Variants in RXRA observed in about 807,000 individuals in gnomAD.
RXRA encodes the protein retinoic acid receptor RXR-alpha.
RXRA carries 5 observed loss-of-function variants against 44.5 expected under a neutral mutation model. That is an observed-to-expected ratio of 0.11 (90% CI 0.06 to 0.24). The LOEUF (loss-of-function observed/expected upper bound fraction) is 0.24. RXRA is among the 10% of genes least tolerant of loss of function. The probability of loss-of-function intolerance (pLI) is 1.00; values close to 1 mark genes in which losing one functional copy is unlikely to be tolerated. For missense variants in RXRA, 412 were observed against 646.5 expected (o/e 0.64, Z 3.93); for synonymous variants, 291 against 271.4 (o/e 1.07, Z -0.71).
intron 1 of RXRA, among the ~76,000 whole-genome samples, chr9:134,347,812 A>G (rs1830172400): frequency 6.6e-6 from 1 of 152,148 alleles, no homozygotes; most frequent in Non-Finnish European, 1.5e-5. Flanking sequence ...TCTGGTGGCC[A>G]GGAGGGGGCT....
chr9:134,411,970 C>T (rs923838267), intron 4 of RXRA, among the ~76,000 whole-genome samples: 5 of 152,200 alleles, frequency 3.3e-5, no homozygotes, highest in African/African-American at 7.2e-5. Flanking sequence ...CACGTGGAAA[C>T]GGTGGCTGGG....
At chr9:134,348,594 G>A (rs944384812) in intron 1 of RXRA, among the ~76,000 whole-genome samples, 9 of 152,240 alleles carry the variant, frequency 5.9e-5, no homozygotes, top group African/African-American at 2.2e-4. Context: ...TCTTGGCTGA[G>A]TTCATCCAGG....
intron 1 of RXRA, among the ~76,000 whole-genome samples, chr9:134,340,910 C>A (rs1564261033): frequency 6.6e-6 from 1 of 152,174 alleles, no homozygotes; most frequent in Non-Finnish European, 1.5e-5. Flanking sequence ...CTGGAAAGGC[C>A]TCGCAGGAAA....
At chr9:134,430,900 G>A (rs1009929749) in intron 7 of RXRA, among the ~76,000 whole-genome samples, 1 of 152,172 alleles carries the variant, frequency 6.6e-6, no homozygotes, top group Admixed American at 6.5e-5. Flanking sequence ...GCCCTCAGTG[G>A]CCCAGGTCTT....
At chr9:134,331,047 C>T (rs1554746568) in intron 1 of RXRA, among the ~76,000 whole-genome samples, 1 of 152,136 alleles carries the variant, frequency 6.6e-6, no homozygotes, top group Non-Finnish European at 1.5e-5. Context: ...GAGGAACAGA[C>T]TCAGGAATAG....
At chr9:134,361,260 T>C (rs2119063113) in intron 1 of RXRA, among the ~76,000 whole-genome samples, 1 of 152,326 alleles carries the variant, frequency 6.6e-6, no homozygotes, top group South Asian at 2.1e-4. Flanking sequence ...TTCAATGTCC[T>C]CATTTCACTG....
At chr9:134,392,156 C>T (rs999718579) in intron 1 of RXRA, among the ~76,000 whole-genome samples, 2 of 152,220 alleles carry the variant, frequency 1.3e-5, no homozygotes, top group East Asian at 3.8e-4. Flanking sequence ...CACATGCAGG[C>T]GATTGGGGCT....
rs372828313 is a variant in RXRA at position 134,430,230 on chromosome 9, C to G, written c.1043+990C>G. 3.9e-4 allele frequency among the ~76,000 whole-genome samples: 60 copies of G among 152,354 alleles called. No homozygotes were observed. In the East Asian group the frequency reaches 9.8e-3, roughly 25 times the overall value. The stretch of plus-strand genomic sequence containing the variant: ...CACGAGTCTAGAGAGCCACACACAC[C>G]AGACTGGGCCTTCTGGGGACCGGAT... On this transcript the variant is annotated intron_variant, in intron 7 of 9. Coordinates refer to ENST00000481739, the MANE Select transcript of RXRA (RefSeq NM_002957.6).
At chr9:134,334,487 G>A (rs1407096175) in intron 1 of RXRA, among the ~76,000 whole-genome samples, 3 of 152,260 alleles carry the variant, frequency 2.0e-5, no homozygotes, top group African/African-American at 7.2e-5. Flanking sequence ...CTGGGCATTG[G>A]GCAGCAGTGT....
At chr9:134,402,136 C>G (rs191498230) in intron 2 of RXRA, 97 of 539,736 alleles carry the variant, frequency 1.8e-4, no homozygotes, top group African/African-American at 1.6e-3. Flanking sequence ...CCACGTGGCC[C>G]CTTCCCATGC....
intron 1 of RXRA, among the ~76,000 whole-genome samples, chr9:134,399,880 C>T (rs1202948496): frequency 6.6e-6 from 1 of 152,200 alleles, no homozygotes; most frequent in Non-Finnish European, 1.5e-5. Flanking sequence ...GGCTTCCAGG[C>T]CTCCTTTCTG....
At position 134,433,327 on chromosome 9, in the gene RXRA, C is replaced by T. The variant is rs964174114; in HGVS notation, c.1136-775C>T. ...CCAGCAGGACCTGGGCACCGGCTTG[C>T]AGGGAGGGTGAGATTGTCTGGCACA... On this transcript the variant is annotated intron_variant, in intron 8 of 9. Coordinates refer to ENST00000481739, the MANE Select transcript of RXRA (RefSeq NM_002957.6). The surrounding 1 kb of genome is among the most constrained non-coding windows in gnomAD (Gnocchi z 4.2). 1.3e-5 allele frequency among the ~76,000 whole-genome samples: 2 copies of T among 152,114 alleles called. No individual in the cohort carries two copies. The highest frequency in any genetic ancestry group is 2.9e-5 in the Non-Finnish European group (2 of 68,012).
intron 1 of RXRA, among the ~76,000 whole-genome samples, chr9:134,396,405 C>T (rs1406935088): frequency 1.3e-5 from 2 of 152,130 alleles, no homozygotes; most frequent in African/African-American, 4.8e-5. Context: ...TTCTCCCTCC[C>T]CTGGGAGGCC....
rs544406512 is a variant in RXRA, at chr9:134,408,374, A to C, written c.430+75A>C. The C allele has an allele frequency of 2.8e-4, 403 of 1,454,652 alleles. 1 individual carries two copies. The African/African-American group carries it at 5.3e-3, about 19-fold the overall frequency. The allele number at this position is 1,454,652 out of a possible 1,614,324, so 90.1% of individuals were successfully genotyped here. ...ATTGCAGGGTCTGGAGGCCTCCCCA[A>C]ATCACCCTCCTGTGGGCCAAGCAGG... is the stretch of plus-strand genomic sequence containing the variant. On this transcript the variant is annotated intron_variant, in intron 3 of 9. Transcript: ENST00000481739.
At position 134,417,239 on chromosome 9, in the gene RXRA, C is replaced by T. The variant is rs777558913; in HGVS notation, c.692C>T (p.Pro231Leu). The change falls in exon 5 of 10, where the codon CCG (proline) becomes CTG (leucine). Residue 231 changes from proline (P) to leucine (L), a missense_variant. Transcript: ENST00000481739. This position sits in a 1 kb window ranked among gnomAD's most constrained non-coding sequence, Gnocchi z 6.1. The stretch of plus-strand genomic sequence containing the variant: ...ACCAGCAGCGCCAACGAGGACATGC[C>T]GGTGGAGAGGATCCTGGAGGCTGAG... The part of the protein sequence containing the change: ...ESTSSANEDM[P>L]VERILEAELA... 15 of 1,613,744 alleles carry T rather than the reference C, an allele frequency of 9.3e-6. No homozygotes were observed. The highest frequency in any genetic ancestry group is 4.5e-5 in the East Asian group (2 of 44,892).
In RXRA at chr9:134,417,728, C is replaced by A. The variant is rs987985981; in HGVS notation, c.780+401C>A. On this transcript the variant is annotated intron_variant, in intron 5 of 9. Transcript: ENST00000481739. This position sits in a 1 kb window ranked among gnomAD's most constrained non-coding sequence, Gnocchi z 6.1. ...AAAGGTATGGGAGGAGGCCGAGCCC[C>A]CAGCAAGAGGCTCTGCAGGTTGGTT... is the stretch of plus-strand genomic sequence containing the variant. Among the ~76,000 whole-genome samples the A allele has an allele frequency of 3.9e-5, 6 of 152,184 alleles. No homozygotes were observed. Among genetic ancestry groups the A allele is most frequent in the African/African-American group, 1.4e-4 (6 of 41,436 alleles).
At chr9:134,379,225 C>T in intron 1 of RXRA, 1 of 977,764 alleles carries the variant, frequency 1.0e-6, no homozygotes, top group Non-Finnish European at 1.2e-6. Flanking sequence ...CTGGGCCTTT[C>T]CTGATCCCTG....
chr9:134,426,127 G>C lies in RXRA; in HGVS notation c.911-2981G>C. 1 of 985,398 alleles carries C rather than the reference G, an allele frequency of 1.0e-6. No homozygotes were observed. Among genetic ancestry groups the C allele is most frequent in the Non-Finnish European group, 1.2e-6 (1 of 829,924 alleles). The allele number at this position is 985,398 out of a possible 1,614,324, so 61.0% of individuals were successfully genotyped here. The stretch of plus-strand genomic sequence containing the variant: ...AGCCTCTTGAGTTGGAGGACATAGT[G>C]ACCAAGGGAGCAGCCCCAGGCAAGA... On this transcript the variant is annotated intron_variant, in intron 6 of 9. Transcript: ENST00000481739. The surrounding 1 kb of genome is among the most constrained non-coding windows in gnomAD (Gnocchi z 4.6).
chr9:134,422,207 C>G, intron 6 of RXRA: 1 of 1,287,046 alleles, frequency 7.8e-7, no homozygotes, highest in Non-Finnish European at 1.0e-6. Flanking sequence ...CAGGGACACA[C>G]TTCCCCCTCC....
Sources: allele counts gnomAD v4.1 joint callset (sites outside exome capture counted in the v4.1 genomes callset), GRCh38; gene constraint gnomAD v4.1.1; non-coding constraint Gnocchi (gnomAD v3.1); transcripts MANE v1.5; gene names NCBI Gene and HGNC (gene_info 2026-07-23, HGNC 2026-07-21).